XIRP2: variants seen among roughly 807,000 people sequenced by gnomAD.
XIRP2 encodes the protein xin actin-binding repeat-containing protein 2.
In XIRP2, 236 loss-of-function variants were observed where a neutral mutation model predicts 277.0. The ratio of observed to expected loss-of-function variants is 0.85; its 90% CI spans 0.77 to 0.95. The LOEUF (loss-of-function observed/expected upper bound fraction) is 0.95, where lower values mean the gene tolerates loss of function less well. Ranked by LOEUF, XIRP2 falls within the 40% of genes least tolerant of loss-of-function variation. The probability of loss-of-function intolerance (pLI) is 0.00; values close to 1 mark genes in which losing one functional copy is unlikely to be tolerated. For missense variants in XIRP2, 4,640 were observed against 4,157.5 expected, an observed-to-expected ratio of 1.12 and a Z score of -3.19; for synonymous variants, 1,490 against 1,416.5, an observed-to-expected ratio of 1.05 and a Z score of -1.17.
Position 166,935,994 on chromosome 2 carries a change from T to C in XIRP2, c.408+32104T>C, listed in dbSNP as rs541743490. On this transcript the variant is annotated intron_variant, in intron 2 of 10. Coordinates refer to ENST00000409195, the MANE Select transcript of XIRP2 (RefSeq NM_152381.6). ...ATCCTTGAGGAATCGCCATACTGTC[T>C]TCCAAATGGTTGAACCAGTTTGCAG... 1.4e-4 allele frequency among the ~76,000 whole-genome samples: 22 copies of C among 152,346 alleles called. No individual in the cohort carries two copies. The South Asian group carries it at 4.6e-3, about 32-fold the overall frequency.
chr2:166,969,803 A>G (rs906143930), intron 2 of XIRP2, among the ~76,000 whole-genome samples: 5 of 151,988 alleles, frequency 3.3e-5, no homozygotes, highest in Admixed American at 2.6e-4. Context: ...AAGGGAACAA[A>G]TGTTAAATGC....
intron 2 of XIRP2, among the ~76,000 whole-genome samples, chr2:167,080,260 C>A (rs1019072081): frequency 6.6e-6 from 1 of 152,062 alleles, no homozygotes; most frequent in Non-Finnish European, 1.5e-5. Context: ...AGTTATTTCA[C>A]AAAATATTCT....
In XIRP2 at chr2:167,135,843, C is replaced by A. The variant is rs554024277; in HGVS notation, c.409-66C>A. ...TCTTTCATTTCTGCCTTCTAACCCC[C>A]CTAAAAAACACATCTGTTTCCTACT... On this transcript the variant is annotated intron_variant, in intron 2 of 10. Transcript: ENST00000409195. 2.7e-5 allele frequency: 37 copies of A among 1,391,752 alleles called. No individual in the cohort carries two copies. The Admixed American group carries it at 6.4e-4, about 24-fold the overall frequency. 86.2% of individuals were successfully genotyped at this position (1,391,752 alleles called of 1,614,324 possible).
At chr2:167,193,597 G>A (rs895136038) in intron 3 of XIRP2, among the ~76,000 whole-genome samples, 10 of 152,062 alleles carry the variant, frequency 6.6e-5, no homozygotes, top group African/African-American at 2.2e-4. Context: ...GAGTAGAGAG[G>A]CTGGGCATGG....
chr2:166,950,569 A>G (rs1686000165), intron 2 of XIRP2, among the ~76,000 whole-genome samples: 1 of 152,122 alleles, frequency 6.6e-6, no homozygotes, highest in South Asian at 2.1e-4. Context: ...TCTAAATTGT[A>G]TTAAAATATT....
intron 5 of XIRP2, among the ~76,000 whole-genome samples, chr2:167,218,942 G>A (rs1000419377): frequency 6.6e-6 from 1 of 152,080 alleles, no homozygotes; most frequent in African/African-American, 2.4e-5. Flanking sequence ...TTTGAAAAAT[G>A]TTAATAGTAA....
intron 2 of XIRP2, among the ~76,000 whole-genome samples, chr2:167,069,608 G>A (rs940273612): frequency 2.0e-5 from 3 of 152,148 alleles, no homozygotes; most frequent in Middle Eastern, 3.4e-3. Context: ...GAAACTGACC[G>A]TGTGCATGAA....
At chr2:167,049,590 G>A (rs1688868680) in intron 2 of XIRP2, among the ~76,000 whole-genome samples, 1 of 151,114 alleles carries the variant, frequency 6.6e-6, no homozygotes, top group African/African-American at 2.4e-5. Context: ...ATTTTCATGG[G>A]TCCTGCGCTT....
intron 3 of XIRP2, among the ~76,000 whole-genome samples, chr2:167,160,273 A>G (rs1490415199): frequency 6.6e-6 from 1 of 152,230 alleles, no homozygotes; most frequent in Non-Finnish European, 1.5e-5. Flanking sequence ...TAAAGCACTC[A>G]TAATTCTACC....
intron 9 of XIRP2, among the ~76,000 whole-genome samples, chr2:167,252,792 A>G (rs1695553225): frequency 1.3e-5 from 2 of 151,986 alleles, no homozygotes; most frequent in Non-Finnish European, 2.9e-5. Context: ...AGACAGATTG[A>G]AAGAAATAGC....
rs577758944 is a variant in XIRP2 at position 167,248,763 on chromosome 2, T to C, written c.7371T>C (p.Ile2457=). The C allele has an allele frequency of 2.3e-5, 37 of 1,613,636 alleles. No homozygotes were observed. In the Admixed American group the frequency reaches 4.2e-4, roughly 18 times the overall value. ...ATSLSDMECK[I]TTSKDQKKVM... The stretch of plus-strand genomic sequence containing the variant: ...CCCTGTCAGATATGGAATGTAAAAT[T>C]ACTACCTCAAAGGATCAGAAAAAAG... The change falls in exon 9 of 11, where the codon ATT becomes ATC. Residue 2457 remains isoleucine, a synonymous_variant. Transcript: ENST00000409195.
intron 2 of XIRP2, among the ~76,000 whole-genome samples, chr2:166,940,864 G>A (rs937951264): frequency 6.6e-6 from 1 of 152,190 alleles, no homozygotes; most frequent in Non-Finnish European, 1.5e-5. Context: ...CTACTTGGGG[G>A]TGCCTCCCTG....
intron 2 of XIRP2, among the ~76,000 whole-genome samples, chr2:167,049,938 A>G (rs1048243716): frequency 6.6e-6 from 1 of 152,094 alleles, no homozygotes; most frequent in African/African-American, 2.4e-5. Context: ...TACAAGATAA[A>G]GAATTTAAGA....
intron 2 of XIRP2, among the ~76,000 whole-genome samples, chr2:167,058,505 T>A (rs1342748787): frequency 6.6e-6 from 1 of 152,210 alleles, no homozygotes; most frequent in Non-Finnish European, 1.5e-5. Flanking sequence ...TCTGGTCTAC[T>A]TGGTCTTGGC....
At chr2:166,958,611 G>A (rs1686226826) in intron 2 of XIRP2, among the ~76,000 whole-genome samples, 1 of 151,726 alleles carries the variant, frequency 6.6e-6, no homozygotes, top group Non-Finnish European at 1.5e-5. Flanking sequence ...TAAAATGCCT[G>A]CCTCTTAGGG....
At position 167,007,695 on chromosome 2, in the gene XIRP2, T is replaced by A. The variant is rs11890357; in HGVS notation, c.408+103805T>A. On this transcript the variant is annotated intron_variant, in intron 2 of 10. Coordinates refer to ENST00000409195, the MANE Select transcript of XIRP2 (RefSeq NM_152381.6). ...CACATGTACACTCTCTCTCTCTCTC[T>A]CTCTCTCTCACACACACACACACAC... Among the ~76,000 whole-genome samples, 849 of 118,680 alleles carry A rather than the reference T, an allele frequency of 7.2e-3. 8 individuals carry two copies. The highest frequency in any genetic ancestry group is 0.029 in the African/African-American group (798 of 27,774). The allele number at this position is 118,680 out of a possible 152,430, so 77.9% of individuals were successfully genotyped here.
chr2:167,248,242 G>A lies in XIRP2; in HGVS notation c.6850G>A (p.Glu2284Lys). ...CTTTAACCCTGAGAATAATGTAAAA[G>A]AAAGTGAGTGCCCCCTTCCACCTCC... is the stretch of plus-strand genomic sequence containing the variant. ...INFNPENNVK[E>K]SECPLPPPSP... The change falls in exon 9 of 11, where the codon GAA (glutamate) becomes AAA (lysine). Residue 2284 changes from glutamate to lysine, a missense_variant. Physicochemically the swap from Glu to Lys is moderately conservative, Grantham distance 56. Transcript: ENST00000409195. 1.9e-6 allele frequency: 3 copies of A among 1,612,266 alleles called. No homozygotes were observed. The highest frequency in any genetic ancestry group is 2.5e-6 in the Non-Finnish European group (3 of 1,179,272).
intron 2 of XIRP2, among the ~76,000 whole-genome samples, chr2:167,114,735 G>T (rs1303145652): frequency 6.6e-6 from 1 of 152,016 alleles, no homozygotes; most frequent in Admixed American, 6.6e-5. Flanking sequence ...TGAGAATGAT[G>T]ATTTCCACTC....
At chr2:167,024,631 A>G (rs1366486589) in intron 2 of XIRP2, among the ~76,000 whole-genome samples, 1 of 152,154 alleles carries the variant, frequency 6.6e-6, no homozygotes, top group Non-Finnish European at 1.5e-5. Context: ...ACATCCCATC[A>G]ATACCTAATG....
Sources: gnomAD v4.1 joint callset for allele counts (sites outside exome capture counted in the v4.1 genomes callset) on GRCh38, gnomAD v4.1.1 for gene constraint, MANE v1.5 for transcripts, NCBI Gene and HGNC (gene_info 2026-07-23, HGNC 2026-07-21) for gene names.